GSDME: variants seen among roughly 807,000 people sequenced by gnomAD.
GSDME encodes gasdermin E.
GSDME carries 44 observed loss-of-function variants against 47.5 expected under a neutral mutation model. The observed-to-expected ratio is 0.93, with a 90% CI of 0.73 to 1.19. GSDME has a LOEUF of 1.19. GSDME is among the 50% of genes most tolerant of loss of function. GSDME has a pLI of 0.00. For missense variants in GSDME, 663 were observed against 604.2 expected (o/e 1.10, Z -1.02); for synonymous variants, 258 against 252.8 (o/e 1.02, Z -0.20).
chr7:24,772,827 G>C, the GSDME span, among the ~76,000 whole-genome samples: 2 of 152,270 alleles, frequency 1.3e-5, no homozygotes, highest in African/African-American at 4.8e-5. This position sits in a 1 kb window ranked among gnomAD's most constrained non-coding sequence, Gnocchi z 4.5. Context: ...TGGTTGCCCG[G>C]TTGCCTCTTC....
At position 24,741,933 on chromosome 7, in the gene GSDME, C is replaced by G. The variant is rs541181292; in HGVS notation, c.404+2629G>C. Among the ~76,000 whole-genome samples the G allele has an allele frequency of 1.1e-4, 17 of 152,144 alleles. No homozygotes were observed. In the South Asian group the frequency reaches 3.5e-3, roughly 32 times the overall value. The stretch of plus-strand genomic sequence containing the variant: ...TCACCCTGTCCTCCTAGCCGCCTAA[C>G]AAGGGTGAGGTGATTCTGTGATAAA... On this transcript the variant is annotated intron_variant, in intron 3 of 9. Coordinates refer to ENST00000645220, the MANE Select transcript of GSDME (RefSeq NM_001127453.2).
chr7:24,782,599 G>A, the GSDME span, among the ~76,000 whole-genome samples: 1 of 152,168 alleles, frequency 6.6e-6, no homozygotes, highest in Non-Finnish European at 1.5e-5. Context: ...GGATGGCTGG[G>A]TCAAATGGTA....
the GSDME span, among the ~76,000 whole-genome samples, chr7:24,763,249 T>G: frequency 6.6e-6 from 1 of 152,012 alleles, no homozygotes; most frequent in African/African-American, 2.4e-5. This position sits in a 1 kb window ranked among gnomAD's most constrained non-coding sequence, Gnocchi z 4.3. Context: ...CACAGAGAGA[T>G]TTGGTTCTTG....
intron 1 of GSDME, among the ~76,000 whole-genome samples, chr7:24,753,073 G>T (rs1406180744): frequency 6.6e-6 from 1 of 152,126 alleles, no homozygotes; most frequent in Admixed American, 6.5e-5. Context: ...GTAACTGGAG[G>T]TGGCTATTTA....
At chr7:24,730,110 C>G (rs2128057849) in intron 3 of GSDME, among the ~76,000 whole-genome samples, 1 of 152,316 alleles carries the variant, frequency 6.6e-6, no homozygotes, top group Middle Eastern at 3.4e-3. Context: ...CACCAGCTCA[C>G]TGGAGGGTTC....
the GSDME span, among the ~76,000 whole-genome samples, chr7:24,787,682 T>C: frequency 6.6e-6 from 1 of 152,146 alleles, no homozygotes; most frequent in Non-Finnish European, 1.5e-5. The surrounding 1 kb of genome is among the most constrained non-coding windows in gnomAD (Gnocchi z 5.0). Context: ...AAGAGGTTTT[T>C]TTTTTGTTTT....
intron 3 of GSDME, among the ~76,000 whole-genome samples, chr7:24,723,968 C>T (rs1319134144): frequency 6.6e-6 from 1 of 152,168 alleles, no homozygotes; most frequent in African/African-American, 2.4e-5. Context: ...TGCCATTTGA[C>T]AGTTCTTCCC....
chr7:24,782,459 T>C, the GSDME span, among the ~76,000 whole-genome samples: 2 of 152,144 alleles, frequency 1.3e-5, no homozygotes, highest in Admixed American at 6.5e-5. Flanking sequence ...CTTAATCCAG[T>C]CTATCATTGA....
chr7:24,715,473 T>C (rs757861502), intron 5 of GSDME: 9 of 470,930 alleles, frequency 1.9e-5, no homozygotes, highest in African/African-American at 4.0e-5. Flanking sequence ...ACATACAGTT[T>C]CTGTGTGTCA....
chr7:24,764,976 A>G, the GSDME span, among the ~76,000 whole-genome samples: 1 of 152,216 alleles, frequency 6.6e-6, no homozygotes, highest in Non-Finnish European at 1.5e-5. This position sits in a 1 kb window ranked among gnomAD's most constrained non-coding sequence, Gnocchi z 4.4. Context: ...AAGCTTTAAA[A>G]GGTCCCAGCA....
chr7:24,716,259 A>G lies in GSDME; in HGVS notation c.697+995T>C, dbSNP rs932900503. Among the ~76,000 whole-genome samples, 5 of 152,180 alleles carry G rather than the reference A, an allele frequency of 3.3e-5. No individual in the cohort carries two copies. Among genetic ancestry groups the G allele is most frequent in the African/African-American group, 1.2e-4 (5 of 41,446 alleles). On this transcript the variant is annotated intron_variant, in intron 5 of 9. Coordinates refer to ENST00000645220, the MANE Select transcript of GSDME (RefSeq NM_001127453.2). The surrounding 1 kb of genome is among the most constrained non-coding windows in gnomAD (Gnocchi z 4.5). ...GTGTGCCCATCAGCCAGCTTCAGCCACTGTCCCCTCTCAGCCAAGCCTCCT... is the reference window on the plus strand; with the variant it reads ...GTGTGCCCATCAGCCAGCTTCAGCCGCTGTCCCCTCTCAGCCAAGCCTCCT...
intron 5 of GSDME, chr7:24,710,657 A>T (rs1204273789): frequency 4.3e-5 from 19 of 443,466 alleles, no homozygotes; most frequent in Non-Finnish European, 5.7e-5. Flanking sequence ...CACAATCTTT[A>T]AAACATTGGA....
At chr7:24,758,160 C>A (rs1791103161), upstream of GSDME, 1 of 152,252 alleles carries the variant, frequency 6.6e-6, no homozygotes. The surrounding 1 kb of genome is among the most constrained non-coding windows in gnomAD (Gnocchi z 4.6). Flanking sequence ...TTAGGACCAG[C>A]TGAAACCGAT....
At chr7:24,715,620 A>T (rs1272883339) in intron 5 of GSDME, 1 of 363,006 alleles carries the variant, frequency 2.8e-6, no homozygotes, top group African/African-American at 2.2e-5. Flanking sequence ...CCACATACAG[A>T]TAACAGAGAC....
the GSDME span, among the ~76,000 whole-genome samples, chr7:24,790,668 C>T: frequency 1.3e-5 from 2 of 152,118 alleles, no homozygotes; most frequent in Non-Finnish European, 2.9e-5. This position sits in a 1 kb window ranked among gnomAD's most constrained non-coding sequence, Gnocchi z 4.1. Flanking sequence ...ATGGTTTAGA[C>T]CCCACCAGGT....
chr7:24,793,299 G>T, the GSDME span, among the ~76,000 whole-genome samples: 2 of 152,014 alleles, frequency 1.3e-5, no homozygotes, highest in African/African-American at 4.8e-5. Context: ...AAAAACCCGT[G>T]GTGTTTTTAC....
chr7:24,717,114 A>G, intron 5 of GSDME, 140 bp downstream of exon 5: 3 of 958,694 alleles, frequency 3.1e-6, no homozygotes, highest in Non-Finnish European at 4.8e-6. Flanking sequence ...ATGTCTTGGG[A>G]CAATCTACGC....
At position 24,712,062 on chromosome 7, in the gene GSDME, G is replaced by A. The variant is rs914587281; in HGVS notation, c.698-1674C>T. Among the ~76,000 whole-genome samples the A allele has an allele frequency of 5.3e-5, 8 of 152,154 alleles. No individual in the cohort carries two copies. The highest frequency in any genetic ancestry group is 1.9e-4 in the African/African-American group (8 of 41,424). On this transcript the variant is annotated intron_variant, in intron 5 of 9. Coordinates refer to ENST00000645220, the MANE Select transcript of GSDME (RefSeq NM_001127453.2). The surrounding 1 kb of genome is among the most constrained non-coding windows in gnomAD (Gnocchi z 4.4). Reference sequence around the variant, plus strand: ...ATTTGCTGAAATGTAGAAGGCATGAGTATTAGCAAATATTTTCATTTGCTT... The same window carrying A: ...ATTTGCTGAAATGTAGAAGGCATGAATATTAGCAAATATTTTCATTTGCTT...
In GSDME at chr7:24,746,398, C is replaced by A. The variant is rs184029654; in HGVS notation, c.212-1644G>T. On this transcript the variant is annotated intron_variant, in intron 2 of 9. Coordinates refer to ENST00000645220, the MANE Select transcript of GSDME (RefSeq NM_001127453.2). ...TCCCTGAACCTCAGACTTTCATGAG[C>A]AATTTGGAGATAATTAATGATAGCT... is the stretch of plus-strand genomic sequence containing the variant. Among the ~76,000 whole-genome samples, 17 of 152,226 alleles carry A rather than the reference C, an allele frequency of 1.1e-4. No individual in the cohort carries two copies. The East Asian group carries it at 3.3e-3, about 29-fold the overall frequency.
Sources: allele counts gnomAD v4.1 joint callset (sites outside exome capture counted in the v4.1 genomes callset), GRCh38; gene constraint gnomAD v4.1.1; non-coding constraint Gnocchi (gnomAD v3.1); transcripts MANE v1.5; gene names NCBI Gene and HGNC (gene_info 2026-07-23, HGNC 2026-07-21).